The following PRKCE variants were observed in gnomAD, a reference collection of about 807,000 sequenced individuals.
PRKCE encodes protein kinase C epsilon, also known as protein kinase C epsilon type.
A neutral mutation model predicts 85.4 loss-of-function variants in PRKCE; 16 were observed. That is an observed-to-expected ratio of 0.19 (90% confidence interval 0.13 to 0.28). The LOEUF (loss-of-function observed/expected upper bound fraction) is 0.28, where lower values mean the gene tolerates loss of function less well. Ranked by LOEUF, PRKCE falls within the 10% of genes least tolerant of loss-of-function variation. PRKCE has a pLI of 1.00. For missense variants in PRKCE, 573 were observed against 975.2 expected, an observed-to-expected ratio of 0.59 and a Z score of 5.49; for synonymous variants, 388 against 371.5, an observed-to-expected ratio of 1.04 and a Z score of -0.51.
At chr2:45,707,478 A>T (rs1455426384) in intron 1 of PRKCE, among the ~76,000 whole-genome samples, 1 of 152,184 alleles carries the variant, frequency 6.6e-6, no homozygotes, top group Non-Finnish European at 1.5e-5. Context: ...TCTTCATTTG[A>T]CAGATGGGGG....
In PRKCE at chr2:46,139,953, A is replaced by G. The variant is rs367563236; in HGVS notation, c.1593-5140A>G. Among the ~76,000 whole-genome samples the G allele has an allele frequency of 6.6e-6, 1 of 152,184 alleles. No homozygotes were observed. Among genetic ancestry groups the G allele is most frequent in the South Asian group, 2.1e-4 (1 of 4,832 alleles). The stretch of plus-strand genomic sequence containing the variant: ...TTCTCTTACAAAGGAAGAAAGTGAG[A>G]ATAGATATTGGGACAACCAGAAATC... On this transcript the variant is annotated intron_variant, in intron 11 of 14. Transcript: ENST00000306156. This position sits in a 1 kb window ranked among gnomAD's most constrained non-coding sequence, Gnocchi z 5.2.
Position 45,933,396 on chromosome 2 carries a change from A to T in PRKCE, c.413-43033A>T, listed in dbSNP as rs551702480. ...ATTCAAGAACAGGCTGCCTACCTGA[A>T]TGTCTTAAGGATGTTCACCTATGAC... On this transcript the variant is annotated intron_variant, in intron 2 of 14. Transcript: ENST00000306156. Among the ~76,000 whole-genome samples, 26 of 149,540 alleles carry T rather than the reference A, an allele frequency of 1.7e-4. 1 individual carries two copies. The South Asian group carries it at 5.3e-3, about 30-fold the overall frequency.
Position 45,776,611 on chromosome 2 carries a change from G to C in PRKCE, c.349-66389G>C, listed in dbSNP as rs537092729. 3.9e-5 allele frequency among the ~76,000 whole-genome samples: 6 copies of C among 152,272 alleles called. No individual in the cohort carries two copies. The East Asian group carries it at 1.2e-3, about 29-fold the overall frequency. ...CGCAAACTTATTTGCTTTTAATCAA[G>C]ACCTGCCTGTGAGAACTATTAATTC... On this transcript the variant is annotated intron_variant, in intron 1 of 14. Transcript: ENST00000306156.
At chr2:45,677,971 T>A in intron 1 of PRKCE, 1 of 834,964 alleles carries the variant, frequency 1.2e-6, no homozygotes, top group African/African-American at 1.8e-5. Context: ...GTGATGTAAA[T>A]ATCAACTTGA....
At chr2:45,872,927 A>C (rs1030102152) in intron 2 of PRKCE, among the ~76,000 whole-genome samples, 5 of 152,114 alleles carry the variant, frequency 3.3e-5, no homozygotes, top group African/African-American at 1.2e-4. Flanking sequence ...GCTCAAGGAG[A>C]GCATGACACC....
intron 14 of PRKCE, among the ~76,000 whole-genome samples, chr2:46,166,365 C>T (rs969106062): frequency 2.0e-5 from 3 of 152,240 alleles, no homozygotes; most frequent in African/African-American, 4.8e-5. Flanking sequence ...CAGCCCCTCA[C>T]GAGGACATCC....
At chr2:45,805,558 T>G (rs1319404697) in intron 1 of PRKCE, among the ~76,000 whole-genome samples, 2 of 152,042 alleles carry the variant, frequency 1.3e-5, no homozygotes, top group African/African-American at 4.8e-5. Flanking sequence ...GTTCACTTAT[T>G]GAAGCTTATG....
intron 11 of PRKCE, among the ~76,000 whole-genome samples, chr2:46,115,380 A>T (rs1349079): frequency 0.42 from 63,112 of 152,076 alleles, 14,435 homozygotes; most frequent in East Asian, 0.53. Context: ...TACAAAGAGA[A>T]GCACATCTCA....
chr2:46,067,228 C>T (rs561586158), intron 10 of PRKCE, among the ~76,000 whole-genome samples: 1 of 152,342 alleles, frequency 6.6e-6, no homozygotes, highest in South Asian at 2.1e-4. Context: ...TACAAGATAT[C>T]ACCATATCCT....
intron 1 of PRKCE, among the ~76,000 whole-genome samples, chr2:45,833,911 A>G (rs916360766): frequency 6.6e-6 from 1 of 152,238 alleles, no homozygotes; most frequent in African/African-American, 2.4e-5. Flanking sequence ...CTCTCAAAGT[A>G]GACAGGCAGA....
At chr2:45,749,793 T>G (rs1211651470) in intron 1 of PRKCE, among the ~76,000 whole-genome samples, 1 of 152,168 alleles carries the variant, frequency 6.6e-6, no homozygotes, top group Non-Finnish European at 1.5e-5. Context: ...GTCTTTGCTC[T>G]CAAATGCTGC....
intron 11 of PRKCE, among the ~76,000 whole-genome samples, chr2:46,144,557 C>T (rs1174645918): frequency 1.3e-5 from 2 of 152,156 alleles, no homozygotes; most frequent in African/African-American, 2.4e-5. Flanking sequence ...TCTTGAGGGG[C>T]GCTGTTTCCT....
chr2:46,049,151 C>G (rs1196180898), intron 10 of PRKCE, among the ~76,000 whole-genome samples: 1 of 152,140 alleles, frequency 6.6e-6, no homozygotes, highest in Non-Finnish European at 1.5e-5. Flanking sequence ...CTTGACTGAG[C>G]TTGGGGCAAG....
At chr2:45,844,469 G>C (rs1691617483) in intron 2 of PRKCE, among the ~76,000 whole-genome samples, 1 of 152,182 alleles carries the variant, frequency 6.6e-6, no homozygotes. Flanking sequence ...AGGGCATAAA[G>C]ACAAATTAAA....
At chr2:46,049,856 A>G (rs1310624462) in intron 10 of PRKCE, among the ~76,000 whole-genome samples, 1 of 152,108 alleles carries the variant, frequency 6.6e-6, no homozygotes, top group East Asian at 1.9e-4. Flanking sequence ...ACATTTTCCC[A>G]TCTTGACTAA....
chr2:45,808,154 G>A (rs1429681116), intron 1 of PRKCE, among the ~76,000 whole-genome samples: 1 of 151,974 alleles, frequency 6.6e-6, no homozygotes, highest in African/African-American at 2.4e-5. Flanking sequence ...CAGTTAACTG[G>A]TCTTTTCCCC....
Position 45,935,589 on chromosome 2 carries a change from C to T in PRKCE, c.413-40840C>T, listed in dbSNP as rs78909874. 4.7e-4 allele frequency among the ~76,000 whole-genome samples: 71 copies of T among 152,258 alleles called. 1 individual carries two copies. The East Asian group carries it at 0.013, about 28-fold the overall frequency. On this transcript the variant is annotated intron_variant, in intron 2 of 14. Transcript: ENST00000306156. ...ATCACTTGAGGCCAGGAGTTCCAGACTAGCCTGTCCATCATGGTGAAACCC... is the reference window on the plus strand; with the variant it reads ...ATCACTTGAGGCCAGGAGTTCCAGATTAGCCTGTCCATCATGGTGAAACCC...
intron 10 of PRKCE, chr2:46,010,929 G>T: frequency 1.4e-6 from 2 of 1,425,224 alleles, no homozygotes; most frequent in Non-Finnish European, 1.8e-6. Flanking sequence ...TCTAATCTGT[G>T]TAATGTCATC....
intron 2 of PRKCE, among the ~76,000 whole-genome samples, chr2:45,848,040 T>C (rs6544855): frequency 0.46 from 70,231 of 151,960 alleles, 16,519 homozygotes; most frequent in Middle Eastern, 0.56. Context: ...GTTAGTTTTG[T>C]ATGTGAAGAC....
Sources: gnomAD v4.1 joint callset for allele counts (sites outside exome capture counted in the v4.1 genomes callset) on GRCh38, gnomAD v4.1.1 for gene constraint, Gnocchi (gnomAD v3.1) non-coding constraint, MANE v1.5 for transcripts, NCBI Gene and HGNC (gene_info 2026-07-23, HGNC 2026-07-21) for gene names.